The following SLC38A12 variants were observed in gnomAD, a reference collection of about 807,000 sequenced individuals.
SLC38A12 encodes the protein putative sodium-coupled neutral amino acid transporter 12.
the SLC38A12 span, among the ~76,000 whole-genome samples, chr17:74,818,041 A>G: frequency 1.3e-5 from 2 of 152,116 alleles, no homozygotes; most frequent in Non-Finnish European, 1.5e-5. Flanking sequence ...TCATCCTTCA[A>G]AAGAGAAATT....
chr17:74,799,634 C>T, the SLC38A12 span, among the ~76,000 whole-genome samples: 1,035 of 152,280 alleles, frequency 6.8e-3, 21 homozygotes, highest in African/African-American at 0.024. Flanking sequence ...AGGGCCGGGT[C>T]AGTCTCAGAT....
chr17:74,819,521 A>G, the SLC38A12 span, among the ~76,000 whole-genome samples: 2 of 152,212 alleles, frequency 1.3e-5, no homozygotes, highest in Non-Finnish European at 2.9e-5. Context: ...CATTGTCGGA[A>G]CAGTACATGT....
the SLC38A12 span, chr17:74,795,211 T>C: frequency 1.0e-6 from 1 of 981,178 alleles, no homozygotes. Flanking sequence ...CCAAGTGAGT[T>C]CATTGCATCT....
the SLC38A12 span, among the ~76,000 whole-genome samples, chr17:74,784,254 G>A: frequency 6.6e-6 from 1 of 152,126 alleles, no homozygotes. Flanking sequence ...TAAAGCATAC[G>A]GTATGTCACC....
the SLC38A12 span, among the ~76,000 whole-genome samples, chr17:74,787,850 G>C: frequency 6.7e-6 from 1 of 150,202 alleles, no homozygotes; most frequent in South Asian, 2.1e-4. Flanking sequence ...CTGGAGTGCA[G>C]TGGCACGATC....
At chr17:74,836,696 C>T in the SLC38A12 span, 5 of 1,584,356 alleles carry the variant, frequency 3.2e-6, no homozygotes, top group Non-Finnish European at 3.4e-6. The surrounding 1 kb of genome is among the most constrained non-coding windows in gnomAD (Gnocchi z 4.2). Context: ...GATGGCAGGA[C>T]AGGCAGGTCT....
At chr17:74,803,817 G>T in the SLC38A12 span, among the ~76,000 whole-genome samples, 1 of 152,156 alleles carries the variant, frequency 6.6e-6, no homozygotes, top group African/African-American at 2.4e-5. Context: ...CCATTTCTGG[G>T]CAAAGAACTA....
the SLC38A12 span, among the ~76,000 whole-genome samples, chr17:74,808,965 A>G: frequency 3.9e-5 from 6 of 152,160 alleles, no homozygotes; most frequent in African/African-American, 1.4e-4. Context: ...CTTCCCCCAC[A>G]TGCCTCCCAC....
chr17:74,817,623 G>A, the SLC38A12 span, among the ~76,000 whole-genome samples: 1 of 152,068 alleles, frequency 6.6e-6, no homozygotes, highest in South Asian at 2.1e-4. Flanking sequence ...ATCCATACAG[G>A]GTTTTACAGA....
the SLC38A12 span, among the ~76,000 whole-genome samples, chr17:74,788,492 C>T: frequency 2.0e-5 from 3 of 152,282 alleles, no homozygotes; most frequent in South Asian, 2.1e-4. Context: ...GGTGTGAGCA[C>T]GGCTTGTCCC....
chr17:74,806,015 G>A, the SLC38A12 span, among the ~76,000 whole-genome samples: 3 of 152,204 alleles, frequency 2.0e-5, no homozygotes, highest in African/African-American at 4.8e-5. Flanking sequence ...CATGGGTTCC[G>A]AGGCCCATGG....
At chr17:74,797,915 C>T in the SLC38A12 span, among the ~76,000 whole-genome samples, 2 of 152,174 alleles carry the variant, frequency 1.3e-5, no homozygotes, top group South Asian at 2.1e-4. Flanking sequence ...GCCCCTTGGG[C>T]CCCAGAGGAG....
chr17:74,809,718 G>C, the SLC38A12 span, among the ~76,000 whole-genome samples: 7 of 152,136 alleles, frequency 4.6e-5, no homozygotes, highest in Non-Finnish European at 1.0e-4. Context: ...TGAGAGCCCT[G>C]GCCCCCCAGG....
the SLC38A12 span, chr17:74,836,707 A>G: frequency 6.4e-7 from 1 of 1,569,216 alleles, no homozygotes; most frequent in Non-Finnish European, 8.7e-7. This position sits in a 1 kb window ranked among gnomAD's most constrained non-coding sequence, Gnocchi z 4.2. Context: ...AGGCAGGTCT[A>G]GTGACAGGAG....
chr17:74,839,256 C>T, the SLC38A12 span: 1 of 1,315,984 alleles, frequency 7.6e-7, no homozygotes, highest in East Asian at 2.5e-5. Flanking sequence ...GGCCCCTAGC[C>T]ACACAGCTGT....
At chr17:74,777,217 C>A in the SLC38A12 span, 2 of 1,237,320 alleles carry the variant, frequency 1.6e-6, no homozygotes, top group South Asian at 1.2e-5. Context: ...TCCTCCCACC[C>A]CTGTCTCAGT....
the SLC38A12 span, among the ~76,000 whole-genome samples, chr17:74,830,782 C>CT: frequency 2.0e-5 from 3 of 152,248 alleles, no homozygotes; most frequent in African/African-American, 7.2e-5. Context: ...AAGACAATGA[C>CT]TTCCTGTGCC....
chr17:74,794,381 C>T, the SLC38A12 span, among the ~76,000 whole-genome samples: 1 of 152,200 alleles, frequency 6.6e-6, no homozygotes, highest in Non-Finnish European at 1.5e-5. Context: ...TCAGCATTGT[C>T]CCTTGGGAGT....
chr17:74,781,561 G>A, the SLC38A12 span, among the ~76,000 whole-genome samples: 1 of 152,184 alleles, frequency 6.6e-6, no homozygotes, highest in African/African-American at 2.4e-5. Context: ...TCACAGGCAT[G>A]AGCCACCATA....
Sources: allele counts gnomAD v4.1 joint callset (sites outside exome capture counted in the v4.1 genomes callset), GRCh38; gene constraint gnomAD v4.1.1; non-coding constraint Gnocchi (gnomAD v3.1); transcripts MANE v1.5; gene names NCBI Gene and HGNC (gene_info 2026-07-23, HGNC 2026-07-21).